SUSD1: variants seen among roughly 807,000 people sequenced by gnomAD.
SUSD1 encodes sushi domain-containing protein 1.
Under a neutral mutation model 86.9 loss-of-function variants are expected in SUSD1, and 65 were observed. The observed-to-expected ratio is 0.75, with a 90% CI of 0.61 to 0.92. The LOEUF is 0.92. Ranked by LOEUF, SUSD1 falls within the 40% of genes least tolerant of loss-of-function variation. SUSD1 has a pLI of 0.00. For synonymous variants in SUSD1, 346 were observed against 350.0 expected (o/e 0.99, Z 0.13); for missense variants, 850 against 929.7 (o/e 0.91, Z 1.11).
chr9:112,082,640 TA>T (rs935922021), intron 10 of SUSD1, among the ~76,000 whole-genome samples: 33 of 152,306 alleles, frequency 2.2e-4, no homozygotes, highest in African/African-American at 7.9e-4. Context: ...ACACCTTGAT[TA>T]CAGCTTAGTG....
chr9:112,167,350 G>C (rs1833869165), intron 1 of SUSD1, among the ~76,000 whole-genome samples: 1 of 152,070 alleles, frequency 6.6e-6, no homozygotes. Context: ...CGATATTCCT[G>C]CTACAGTCTC....
rs1424381180 is a variant in SUSD1 at position 112,078,637 on chromosome 9, C to T, written c.1654G>A (p.Val552Met). Residue 552 changes from valine (V) to methionine (M), a missense_variant, in exon 12 of 17, where the codon GTG (valine) becomes ATG (methionine). Physicochemically the swap from Val to Met is conservative, Grantham distance 21 (BLOSUM62 1). Coordinates refer to ENST00000374270, the MANE Select transcript of SUSD1 (RefSeq NM_022486.5). The part of the protein sequence containing the change: ...NISSSSRDPE[V>M]CLDLRPGTNY... ...GTACCCGGACGTAGGTCCAAGCACACCTCGGGATCTCGGCTGCTGCTACTG... is the reference window on the plus strand; with the variant it reads ...GTACCCGGACGTAGGTCCAAGCACATCTCGGGATCTCGGCTGCTGCTACTG... The T allele has an allele frequency of 1.9e-6, 3 of 1,613,974 alleles. No homozygotes were observed. The highest frequency in any genetic ancestry group is 1.3e-5 in the African/African-American group (1 of 74,896).
chr9:112,079,033 C>CA (rs1387073571), intron 11 of SUSD1, among the ~76,000 whole-genome samples: 2 of 151,802 alleles, frequency 1.3e-5, no homozygotes, highest in Non-Finnish European at 1.5e-5. Context: ...AGGCTGGTCT[C>CA]AAACTCCTGA....
chr9:112,062,523 C>T (rs1828774307), intron 13 of SUSD1, among the ~76,000 whole-genome samples: 1 of 151,898 alleles, frequency 6.6e-6, no homozygotes, highest in African/African-American at 2.4e-5. Flanking sequence ...GGCAAAACCT[C>T]GTCTCAACTA....
At chr9:112,069,761 T>C (rs1829175887) in intron 12 of SUSD1, among the ~76,000 whole-genome samples, 1 of 148,660 alleles carries the variant, frequency 6.7e-6, no homozygotes, top group African/African-American at 2.5e-5. Context: ...GCTAACATTT[T>C]AAAACCACAC....
intron 5 of SUSD1, among the ~76,000 whole-genome samples, chr9:112,130,479 G>C (rs1831973035): frequency 6.8e-6 from 1 of 148,020 alleles, no homozygotes. Context: ...AGAGGAGAGG[G>C]AAAGGAGAGG....
At chr9:112,148,493 C>A (rs139095258) in intron 3 of SUSD1, among the ~76,000 whole-genome samples, 4 of 152,206 alleles carry the variant, frequency 2.6e-5, no homozygotes, top group African/African-American at 9.6e-5. Flanking sequence ...CGGGTGCCAG[C>A]CCCCAGATTA....
At chr9:112,172,527 C>G (rs1312846537) in intron 1 of SUSD1, among the ~76,000 whole-genome samples, 1 of 152,212 alleles carries the variant, frequency 6.6e-6, no homozygotes. Context: ...AAGCAACCAT[C>G]AAGTCTATTG....
At position 112,124,402 on chromosome 9, in the gene SUSD1, G is replaced by C; in HGVS notation, c.741C>G (p.His247Gln). 6.2e-7 allele frequency: 1 copy of C among 1,614,082 alleles called. No individual in the cohort carries two copies. Among genetic ancestry groups the C allele is most frequent in the Non-Finnish European group, 8.5e-7 (1 of 1,179,958 alleles). The change falls in exon 6 of 17, where the codon CAC (histidine) becomes CAG (glutamine). Residue 247 changes from histidine to glutamine, a missense_variant. His to Gln is a conservative substitution (Grantham distance 24). Coordinates refer to ENST00000374270, the MANE Select transcript of SUSD1 (RefSeq NM_022486.5). ...AGCTGTGATTTCCTACCAAGATGGC[G>C]TGCCGCATTTCTGGAGGGTTGCCAC... ...INCGNPPEMRHAILVGNHSSR... is the reference protein window; with the variant it reads ...INCGNPPEMRQAILVGNHSSR...
intron 12 of SUSD1, among the ~76,000 whole-genome samples, chr9:112,070,310 G>A (rs1411333648): frequency 6.6e-6 from 1 of 152,078 alleles, no homozygotes; most frequent in Non-Finnish European, 1.5e-5. Flanking sequence ...CCCAGCCGCT[G>A]CCTTATATTT....
chr9:112,107,309 C>T lies in SUSD1; in HGVS notation c.1171+4345G>A, dbSNP rs548512994. On this transcript the variant is annotated intron_variant, in intron 8 of 16. Coordinates refer to ENST00000374270, the MANE Select transcript of SUSD1 (RefSeq NM_022486.5). ...AAAAAAAAGAAAAAAAGAGGCCAGA[C>T]GTGGTGGCTCACACCTGTAGTCCCA... 2.8e-5 allele frequency among the ~76,000 whole-genome samples: 4 copies of T among 142,128 alleles called. No individual in the cohort carries two copies. The South Asian group carries it at 6.9e-4, about 24-fold the overall frequency. The allele number at this position is 142,128 out of a possible 152,430, so 93.2% of individuals were successfully genotyped here.
At position 112,041,483 on chromosome 9, in the gene SUSD1, C is replaced by A. The variant is rs758231333; in HGVS notation, c.*9G>T. ...CAGTGCATCCTCCCCACTCAGTGTC[C>A]ATCTGCCATCTAGACATGGAGGAGG... On this transcript the variant is annotated 3_prime_UTR_variant, in exon 17 of 17. Coordinates refer to ENST00000374270, the MANE Select transcript of SUSD1 (RefSeq NM_022486.5). 1.3e-6 allele frequency: 1 copy of A among 781,052 alleles called. No homozygotes were observed. The highest frequency in any genetic ancestry group is 2.4e-6 in the Non-Finnish European group (1 of 418,124). The allele number at this position is 781,052 out of a possible 1,614,324, so 48.4% of individuals were successfully genotyped here. A position where few individuals can be genotyped will look rare whatever the true frequency, so the allele number is the denominator to read the frequency against.
intron 5 of SUSD1, among the ~76,000 whole-genome samples, chr9:112,131,054 C>T (rs1832014260): frequency 6.6e-6 from 1 of 151,962 alleles, no homozygotes; most frequent in East Asian, 1.9e-4. Flanking sequence ...AAAGAAAATC[C>T]TTCAAGGTAG....
chr9:112,165,470 C>T (rs1589753425), intron 1 of SUSD1, among the ~76,000 whole-genome samples: 1 of 140,324 alleles, frequency 7.1e-6, no homozygotes, highest in African/African-American at 2.7e-5. Flanking sequence ...AGAGCATTGG[C>T]ACGATCACAG....
intron 1 of SUSD1, among the ~76,000 whole-genome samples, chr9:112,162,382 A>G (rs1234165407): frequency 2.6e-5 from 4 of 152,248 alleles, no homozygotes; most frequent in African/African-American, 9.6e-5. Flanking sequence ...GATGGTAGAT[A>G]GCAGGTACAT....
intron 15 of SUSD1, among the ~76,000 whole-genome samples, chr9:112,043,198 G>T (rs1456650812): frequency 2.0e-5 from 3 of 152,200 alleles, no homozygotes; most frequent in African/African-American, 7.2e-5. Flanking sequence ...TTATGGTTTA[G>T]GGGTCCTACA....
chr9:112,106,958 AG>A (rs1441408721), intron 8 of SUSD1, among the ~76,000 whole-genome samples: 6 of 151,844 alleles, frequency 4.0e-5, no homozygotes, highest in Non-Finnish European at 8.8e-5. Flanking sequence ...GACACAGCAA[AG>A]TAGCATTAAA....
At chr9:112,135,671 C>G (rs1832231558) in intron 5 of SUSD1, among the ~76,000 whole-genome samples, 1 of 152,122 alleles carries the variant, frequency 6.6e-6, no homozygotes, top group Non-Finnish European at 1.5e-5. Context: ...AACTGAAGAA[C>G]TTTAGACCTT....
chr9:112,114,894 T>C (rs953073455), intron 6 of SUSD1, among the ~76,000 whole-genome samples: 7 of 152,206 alleles, frequency 4.6e-5, no homozygotes, highest in African/African-American at 1.4e-4. Flanking sequence ...GTCACACAGA[T>C]GTGGTAATGC....
Sources: gnomAD v4.1 joint callset for allele counts (sites outside exome capture counted in the v4.1 genomes callset) on GRCh38, gnomAD v4.1.1 for gene constraint, MANE v1.5 for transcripts, NCBI Gene and HGNC (gene_info 2026-07-23, HGNC 2026-07-21) for gene names.